The following AMER2 variants were observed in gnomAD, a reference collection of about 807,000 sequenced individuals.
AMER2 encodes APC membrane recruitment protein 2.
AMER2 carries 1 observed loss-of-function variant against 4.7 expected under a neutral mutation model. The ratio of observed to expected loss-of-function variants is 0.21; its 90% CI spans 0.07 to 1.00. AMER2 has a LOEUF of 1.00. AMER2 is among the 50% of genes least tolerant of loss of function. The pLI, the probability that AMER2 is intolerant of heterozygous loss-of-function variation, is 0.60. For synonymous variants in AMER2, 485 were observed against 433.3 expected, an observed-to-expected ratio of 1.12 and a Z score of -1.48; for missense variants, 988 against 966.9, an observed-to-expected ratio of 1.02 and a Z score of -0.29.
chr13:25,171,023 G>C lies in AMER2; in HGVS notation c.597C>G (p.Ser199Arg), dbSNP rs760061851. The change falls in exon 1 of 1, where the codon AGC (serine) becomes AGG (arginine). Residue 199 changes from serine (S) to arginine (R), a missense_variant. Physicochemically the swap from Ser to Arg is moderately radical, Grantham distance 110. Coordinates refer to ENST00000515384, the MANE Select transcript of AMER2 (RefSeq NM_152704.4). This position sits in a 1 kb window ranked among gnomAD's most constrained non-coding sequence, Gnocchi z 5.9. Reference protein sequence around the residue: ...KQKRGLRGLFSGMRWHRKDKR... With the variant: ...KQKRGLRGLFRGMRWHRKDKR... ...TGTCTTTCCTGTGCCAGCGCATGCC[G>C]CTGAACAGCCCCCGCAGCCCCCGCT... The C allele has an allele frequency of 1.9e-6, 3 of 1,571,642 alleles. No individual in the cohort carries two copies. The highest frequency in any genetic ancestry group is 1.7e-6 in the Non-Finnish European group (2 of 1,160,586).
rs1219112220 is a variant in AMER2 at position 25,172,160 on chromosome 13, G to C, written c.-541C>G. 1 of 153,152 alleles carries C rather than the reference G, an allele frequency of 6.5e-6. No homozygotes were observed. Among genetic ancestry groups the C allele is most frequent in the Admixed American group, 6.5e-5 (1 of 15,290 alleles). 9.5% of individuals were successfully genotyped at this position (153,152 alleles called of 1,614,324 possible). A position where few individuals can be genotyped will look rare whatever the true frequency, so the allele number is the denominator to read the frequency against. On this transcript the variant is annotated 5_prime_UTR_variant, in exon 1 of 1. Transcript: ENST00000515384. ...ATGTCTTGTCCAGAGCTGAGCACAC[G>C]CTAGGTCCATGCTGTGTGGCTGTCA...
In AMER2 at chr13:25,168,247, T is replaced by G. The variant is rs889093893; in HGVS notation, c.*1357A>C. The G allele has an allele frequency of 2.0e-5, 3 of 152,202 alleles. No individual in the cohort carries two copies. The highest frequency in any genetic ancestry group is 7.2e-5 in the African/African-American group (3 of 41,448). The allele number at this position is 152,202 out of a possible 1,614,324, so 9.4% of individuals were successfully genotyped here. A position where few individuals can be genotyped will look rare whatever the true frequency, so the allele number is the denominator to read the frequency against. On this transcript the variant is annotated 3_prime_UTR_variant, in exon 1 of 1. Coordinates refer to ENST00000515384, the MANE Select transcript of AMER2 (RefSeq NM_152704.4). ...TTTTCAAAAAAAACTTGGCATAAAG[T>G]GTTTACAATACATAAGCTTGCCAGT... is the stretch of plus-strand genomic sequence containing the variant.
chr13:25,170,323 C>T lies in AMER2; in HGVS notation c.1297G>A (p.Asp433Asn). 1 of 1,613,936 alleles carries T rather than the reference C, an allele frequency of 6.2e-7. No homozygotes were observed. The highest frequency in any genetic ancestry group is 8.5e-7 in the Non-Finnish European group (1 of 1,180,002). Residue 433 changes from aspartate (D) to asparagine (N), a missense_variant, in exon 1 of 1, where the codon GAC (aspartate) becomes AAC (asparagine). Transcript: ENST00000515384. This position sits in a 1 kb window ranked among gnomAD's most constrained non-coding sequence, Gnocchi z 7.3. Reference protein sequence around the residue: ...EEMASPDEVDDTYLQEFWDML... With the variant: ...EEMASPDEVDNTYLQEFWDML... ...TCCCAGAACTCCTGTAGATAGGTGT[C>T]GTCCACCTCGTCCGGGCTGGCCATC...
Position 25,170,787 on chromosome 13 carries a change from G to T in AMER2, c.833C>A (p.Ala278Glu), listed in dbSNP as rs1341974249. 2 of 1,363,514 alleles carry T rather than the reference G, an allele frequency of 1.5e-6. No homozygotes were observed. Among genetic ancestry groups the T allele is most frequent in the Admixed American group, 3.6e-5 (1 of 27,562 alleles). 84.5% of individuals were successfully genotyped at this position (1,363,514 alleles called of 1,614,324 possible). The stretch of plus-strand genomic sequence containing the variant: ...GCCCTCTGCCTCTCGGCAGCTCCGC[G>T]CTGGGGCGCGGTCGGCGGGGGCGGG... The part of the protein sequence containing the change: ...EVPAPADRAP[A>E]RSCREAEGLA... Residue 278 changes from alanine (A) to glutamate (E), a missense_variant, in exon 1 of 1, where the codon GCG becomes GAG. Physicochemically the swap from Ala to Glu is moderately radical, Grantham distance 107. Transcript: ENST00000515384. This position sits in a 1 kb window ranked among gnomAD's most constrained non-coding sequence, Gnocchi z 7.3.
Position 25,169,528 on chromosome 13 carries a change from A to G in AMER2, c.*76T>C. On this transcript the variant is annotated 3_prime_UTR_variant, in exon 1 of 1. Coordinates refer to ENST00000515384, the MANE Select transcript of AMER2 (RefSeq NM_152704.4). The surrounding 1 kb of genome is among the most constrained non-coding windows in gnomAD (Gnocchi z 4.2). ...CTAAAAGACTTTCTTTAGGAAAAGC[A>G]AAACTTACTTTAGTGGTTTCCAGGG... 6.6e-7 allele frequency: 1 copy of G among 1,507,856 alleles called. No homozygotes were observed. The highest frequency in any genetic ancestry group is 8.8e-7 in the Non-Finnish European group (1 of 1,131,934). The allele number at this position is 1,507,856 out of a possible 1,614,324, so 93.4% of individuals were successfully genotyped here.
Position 25,161,864 on chromosome 13 carries a change from C to CA in AMER2, c.*7739dup, listed in dbSNP as rs1164104545. On this transcript the variant is annotated 3_prime_UTR_variant, in exon 1 of 1. Coordinates refer to ENST00000515384, the MANE Select transcript of AMER2 (RefSeq NM_152704.4). ...AGCAACATGCACAATGGTACATATGCACAAAATGGAATTATATCAACAAAT... is the reference window on the plus strand; with the variant it reads ...AGCAACATGCACAATGGTACATATGCAACAAAATGGAATTATATCAACAAAT... The CA allele has an allele frequency of 6.6e-6, 1 of 151,978 alleles. No individual in the cohort carries two copies. Among genetic ancestry groups the CA allele is most frequent in the Non-Finnish European group, 1.5e-5 (1 of 68,010 alleles). 9.4% of individuals were successfully genotyped at this position (151,978 alleles called of 1,614,324 possible).
rs1444041344 is a variant in AMER2, at chr13:25,164,148, C to T, written c.*5456G>A. On this transcript the variant is annotated 3_prime_UTR_variant, in exon 1 of 1. Coordinates refer to ENST00000515384, the MANE Select transcript of AMER2 (RefSeq NM_152704.4). ...AATTAAAGAGGGTAGATCTCATATTCAATATTCTTACTGCAATTAAAACAC... is the reference window on the plus strand; with the variant it reads ...AATTAAAGAGGGTAGATCTCATATTTAATATTCTTACTGCAATTAAAACAC... The T allele has an allele frequency of 3.4e-5, 5 of 145,458 alleles. No individual in the cohort carries two copies. The highest frequency in any genetic ancestry group is 6.1e-5 in the Non-Finnish European group (4 of 65,928). 9.0% of individuals were successfully genotyped at this position (145,458 alleles called of 1,614,324 possible).
In AMER2 at chr13:25,171,026, G is replaced by A. The variant is rs765865906; in HGVS notation, c.594C>T (p.Phe198=). The change falls in exon 1 of 1, where the codon TTC becomes TTT. Residue 198 remains phenylalanine, a synonymous_variant. Coordinates refer to ENST00000515384, the MANE Select transcript of AMER2 (RefSeq NM_152704.4). This position sits in a 1 kb window ranked among gnomAD's most constrained non-coding sequence, Gnocchi z 5.9. The stretch of plus-strand genomic sequence containing the variant: ...CTTTCCTGTGCCAGCGCATGCCGCT[G>A]AACAGCCCCCGCAGCCCCCGCTTTT... ...GKQKRGLRGL[F]SGMRWHRKDK... The A allele has an allele frequency of 1.9e-6, 3 of 1,572,574 alleles. No homozygotes were observed. Among genetic ancestry groups the A allele is most frequent in the African/African-American group, 1.4e-5 (1 of 71,192 alleles).
In AMER2 at chr13:25,170,230, G is replaced by C; in HGVS notation, c.1390C>G (p.Leu464Val). The C allele has an allele frequency of 6.2e-7, 1 of 1,612,408 alleles. No homozygotes were observed. Among genetic ancestry groups the C allele is most frequent in the Non-Finnish European group, 8.5e-7 (1 of 1,179,218 alleles). ...GTCTCGGGCACCACCTTGGTTTCCA[G>C]CGCAGCTGCCACCTTAGCCGCGCCC... ...QEGAAKVAAA[L>V]ETKVVPETPK... The change falls in exon 1 of 1, where the codon CTG (leucine) becomes GTG (valine). Residue 464 changes from leucine (L) to valine (V), a missense_variant. Physicochemically the swap from Leu to Val is conservative, Grantham distance 32 (BLOSUM62 1). Transcript: ENST00000515384. The surrounding 1 kb of genome is among the most constrained non-coding windows in gnomAD (Gnocchi z 7.3).
rs539989470 is a variant in AMER2, at chr13:25,162,708, A to C, written c.*6896T>G. ...TGATTCAGGTCTGAGAGTATCTGAGAAGGTATAGTATGTCTCAGGTAACCA... is the reference window on the plus strand; with the variant it reads ...TGATTCAGGTCTGAGAGTATCTGAGCAGGTATAGTATGTCTCAGGTAACCA... On this transcript the variant is annotated 3_prime_UTR_variant, in exon 1 of 1. Transcript: ENST00000515384. The C allele has an allele frequency of 6.6e-6, 1 of 152,218 alleles. No homozygotes were observed. The highest frequency in any genetic ancestry group is 2.1e-4 in the South Asian group (1 of 4,832). The allele number at this position is 152,218 out of a possible 1,614,324, so 9.4% of individuals were successfully genotyped here.
Position 25,171,083 on chromosome 13 carries a change from C to G in AMER2, c.537G>C (p.Glu179Asp), listed in dbSNP as rs764877809. ...CGCCGGCCTTGCTCGCGTCCACAGGCTCTCCCTTGCCGTTTTCCGAGCGCC... is the reference window on the plus strand; with the variant it reads ...CGCCGGCCTTGCTCGCGTCCACAGGGTCTCCCTTGCCGTTTTCCGAGCGCC... The part of the protein sequence containing the change: ...KNGRSENGKG[E>D]PVDASKAGGK... The change falls in exon 1 of 1, where the codon GAG (glutamate) becomes GAC (aspartate). Residue 179 changes from glutamate to aspartate, a missense_variant. Coordinates refer to ENST00000515384, the MANE Select transcript of AMER2 (RefSeq NM_152704.4). The surrounding 1 kb of genome is among the most constrained non-coding windows in gnomAD (Gnocchi z 5.9). The G allele has an allele frequency of 8.9e-6, 14 of 1,573,236 alleles. No homozygotes were observed. In the Admixed American group the frequency reaches 2.4e-4, roughly 26 times the overall value.
Position 25,171,075 on chromosome 13 carries a change from T to C in AMER2, c.545A>G (p.Asp182Gly). The C allele has an allele frequency of 6.3e-7, 1 of 1,576,366 alleles. No individual in the cohort carries two copies. Among genetic ancestry groups the C allele is most frequent in the Non-Finnish European group, 8.6e-7 (1 of 1,162,658 alleles). Residue 182 changes from aspartate to glycine, a missense_variant, in exon 1 of 1, where the codon GAC becomes GGC. Coordinates refer to ENST00000515384, the MANE Select transcript of AMER2 (RefSeq NM_152704.4). This position sits in a 1 kb window ranked among gnomAD's most constrained non-coding sequence, Gnocchi z 5.9. ...TTGTTTGCCGCCGGCCTTGCTCGCG[T>C]CCACAGGCTCTCCCTTGCCGTTTTC... ...RSENGKGEPVDASKAGGKQKR... is the reference protein window; with the variant it reads ...RSENGKGEPVGASKAGGKQKR...
Position 25,170,797 on chromosome 13 carries a change from G to A in AMER2, c.823C>T (p.Arg275Cys). 8.0e-6 allele frequency: 11 copies of A among 1,367,964 alleles called. No individual in the cohort carries two copies. Among genetic ancestry groups the A allele is most frequent in the Middle Eastern group, 2.7e-4 (1 of 3,770 alleles). The allele number at this position is 1,367,964 out of a possible 1,614,324, so 84.7% of individuals were successfully genotyped here. The change falls in exon 1 of 1, where the codon CGC (arginine) becomes TGC (cysteine). Residue 275 changes from arginine to cysteine, a missense_variant. Coordinates refer to ENST00000515384, the MANE Select transcript of AMER2 (RefSeq NM_152704.4). The surrounding 1 kb of genome is among the most constrained non-coding windows in gnomAD (Gnocchi z 7.3). ...TCTCGGCAGCTCCGCGCTGGGGCGC[G>A]GTCGGCGGGGGCGGGCACCTCCTCT... ...GGEEVPAPAD[R>C]APARSCREAE...
At position 25,170,689 on chromosome 13, in the gene AMER2, C is replaced by T. The variant is rs758055086; in HGVS notation, c.931G>A (p.Gly311Arg). 2 of 1,516,990 alleles carry T rather than the reference C, an allele frequency of 1.3e-6. No individual in the cohort carries two copies. The highest frequency in any genetic ancestry group is 2.7e-5 in the East Asian group (1 of 37,352). 94.0% of individuals were successfully genotyped at this position (1,516,990 alleles called of 1,614,324 possible). A position where few individuals can be genotyped will look rare whatever the true frequency, so the allele number is the denominator to read the frequency against. ...AGHRRAEPGP[G>R]EVRTAEDASR... ...GCGTCCTCTGCCGTGCGGACCTCCC[C>T]GGGCCCCGGCTCGGCGCGCCGATGC... The change falls in exon 1 of 1, where the codon GGG becomes AGG. Residue 311 changes from glycine to arginine, a missense_variant. By Grantham distance (125) the Gly-to-Arg change is moderately radical. Coordinates refer to ENST00000515384, the MANE Select transcript of AMER2 (RefSeq NM_152704.4). The surrounding 1 kb of genome is among the most constrained non-coding windows in gnomAD (Gnocchi z 7.3).
Position 25,171,284 on chromosome 13 carries a change from C to T in AMER2, c.336G>A (p.Val112=), listed in dbSNP as rs1477356813. 6.4e-7 allele frequency: 1 copy of T among 1,573,440 alleles called. No individual in the cohort carries two copies. Among genetic ancestry groups the T allele is most frequent in the Non-Finnish European group, 8.6e-7 (1 of 1,162,422 alleles). Residue 112 remains valine (V), a synonymous_variant, in exon 1 of 1, where the codon GTG becomes GTA. Coordinates refer to ENST00000515384, the MANE Select transcript of AMER2 (RefSeq NM_152704.4). The surrounding 1 kb of genome is among the most constrained non-coding windows in gnomAD (Gnocchi z 5.9). The part of the protein sequence containing the change: ...RSRTHDGLAE[V]LVLESGRKEE... ...CCTTCCTGCCGCTCTCCAGCACCAG[C>T]ACCTCGGCAAGTCCGTCGTGGGTCC...
chr13:25,170,775 C>T lies in AMER2; in HGVS notation c.845G>A (p.Arg282Gln). ...GGGGTGCGCGAGGCCCTCTGCCTCTCGGCAGCTCCGCGCTGGGGCGCGGTC... is the reference window on the plus strand; with the variant it reads ...GGGGTGCGCGAGGCCCTCTGCCTCTTGGCAGCTCCGCGCTGGGGCGCGGTC... ...PADRAPARSC[R>Q]EAEGLAHPGD... Residue 282 changes from arginine to glutamine, a missense_variant, in exon 1 of 1, where the codon CGA becomes CAA. Arg to Gln is a conservative substitution (Grantham distance 43). Transcript: ENST00000515384. This position sits in a 1 kb window ranked among gnomAD's most constrained non-coding sequence, Gnocchi z 7.3. The T allele has an allele frequency of 2.2e-6, 3 of 1,372,184 alleles. No homozygotes were observed. The highest frequency in any genetic ancestry group is 1.9e-6 in the Non-Finnish European group (2 of 1,071,980). 85.0% of individuals were successfully genotyped at this position (1,372,184 alleles called of 1,614,324 possible). A position where few individuals can be genotyped will look rare whatever the true frequency, so the allele number is the denominator to read the frequency against.
Position 25,162,437 on chromosome 13 carries a change from A to G in AMER2, c.*7167T>C, listed in dbSNP as rs1956419802. The G allele has an allele frequency of 1.3e-5, 2 of 152,194 alleles. No homozygotes were observed. The highest frequency in any genetic ancestry group is 6.5e-5 in the Admixed American group (1 of 15,274). The allele number at this position is 152,194 out of a possible 1,614,324, so 9.4% of individuals were successfully genotyped here. A position where few individuals can be genotyped will look rare whatever the true frequency, so the allele number is the denominator to read the frequency against. On this transcript the variant is annotated 3_prime_UTR_variant, in exon 1 of 1. Coordinates refer to ENST00000515384, the MANE Select transcript of AMER2 (RefSeq NM_152704.4). ...ACTATCAGATCCTCCATATTCAATAAGATTTATCCTGGAAGCAATGAAAAT... is the reference window on the plus strand; with the variant it reads ...ACTATCAGATCCTCCATATTCAATAGGATTTATCCTGGAAGCAATGAAAAT...
rs559701365 is a variant in AMER2 at position 25,171,045 on chromosome 13, C to T, written c.575G>A (p.Arg192Gln). The T allele has an allele frequency of 3.2e-6, 5 of 1,574,520 alleles. No homozygotes were observed. The East Asian group carries it at 1.0e-4, about 32-fold the overall frequency. The change falls in exon 1 of 1, where the codon CGG becomes CAG. Residue 192 changes from arginine (R) to glutamine (Q), a missense_variant. Transcript: ENST00000515384. The surrounding 1 kb of genome is among the most constrained non-coding windows in gnomAD (Gnocchi z 5.9). ...GCCGCTGAACAGCCCCCGCAGCCCCCGCTTTTGTTTGCCGCCGGCCTTGCT... is the reference window on the plus strand; with the variant it reads ...GCCGCTGAACAGCCCCCGCAGCCCCTGCTTTTGTTTGCCGCCGGCCTTGCT... ...DASKAGGKQKRGLRGLFSGMR... is the reference protein window; with the variant it reads ...DASKAGGKQKQGLRGLFSGMR...
chr13:25,167,814 T>C lies in AMER2; in HGVS notation c.*1790A>G, dbSNP rs1213645159. On this transcript the variant is annotated 3_prime_UTR_variant, in exon 1 of 1. Coordinates refer to ENST00000515384, the MANE Select transcript of AMER2 (RefSeq NM_152704.4). The stretch of plus-strand genomic sequence containing the variant: ...TTTCCTTTGATGTCCATTTATTTTG[T>C]TACTTTCTTCATATTATTAAAATAG... 6.6e-6 allele frequency: 1 copy of C among 152,226 alleles called. No individual in the cohort carries two copies. Among genetic ancestry groups the C allele is most frequent in the Non-Finnish European group, 1.5e-5 (1 of 68,012 alleles). 9.4% of individuals were successfully genotyped at this position (152,226 alleles called of 1,614,324 possible).
Sources: gnomAD v4.1 joint callset for allele counts on GRCh38, gnomAD v4.1.1 for gene constraint, Gnocchi (gnomAD v3.1) non-coding constraint, MANE v1.5 for transcripts, NCBI Gene and HGNC (gene_info 2026-07-23, HGNC 2026-07-21) for gene names.